Variants in ASIC2 observed in about 807,000 individuals in gnomAD.
ASIC2 encodes acid sensing ion channel subunit 2, also known as acid-sensing ion channel 2.
In ASIC2, 25 loss-of-function variants were observed where a neutral mutation model predicts 57.3. That is an observed-to-expected ratio of 0.44 (90% CI 0.32 to 0.61). The LOEUF (loss-of-function observed/expected upper bound fraction) is 0.61. Ranked by LOEUF, ASIC2 falls within the 20% of genes least tolerant of loss-of-function variation. ASIC2 has a pLI of 0.06. For synonymous variants in ASIC2, 319 were observed against 307.5 expected (o/e 1.04, Z -0.39); for missense variants, 641 against 738.1 (o/e 0.87, Z 1.52).
intron 1 of ASIC2, among the ~76,000 whole-genome samples, chr17:33,246,954 C>T (rs1908712833): frequency 6.6e-6 from 1 of 151,968 alleles, no homozygotes; most frequent in Non-Finnish European, 1.5e-5. Context: ...TTTTAAGAGC[C>T]AACAACAAGA....
chr17:33,756,061 G>A (rs533046407), intron 1 of ASIC2, among the ~76,000 whole-genome samples: 1 of 152,366 alleles, frequency 6.6e-6, no homozygotes, highest in Non-Finnish European at 1.5e-5. Context: ...CGTTTTCCCT[G>A]TAATTGAACA....
chr17:33,062,559 G>T (rs2092025341), intron 3 of ASIC2, among the ~76,000 whole-genome samples: 1 of 152,176 alleles, frequency 6.6e-6, no homozygotes, highest in Admixed American at 6.5e-5. Flanking sequence ...TTTTACACTT[G>T]CTGAGGAGTG....
At chr17:33,825,281 G>A (rs1320689316) in intron 1 of ASIC2, among the ~76,000 whole-genome samples, 1 of 152,180 alleles carries the variant, frequency 6.6e-6, no homozygotes, top group Non-Finnish European at 1.5e-5. Context: ...ACTGAGGCAG[G>A]AGGATGGGGT....
intron 1 of ASIC2, among the ~76,000 whole-genome samples, chr17:34,055,234 G>A (rs1908723832): frequency 6.6e-6 from 1 of 152,168 alleles, no homozygotes; most frequent in African/African-American, 2.4e-5. Flanking sequence ...CGATTTATAT[G>A]TTAAAATAAC....
intron 1 of ASIC2, among the ~76,000 whole-genome samples, chr17:33,898,546 T>C (rs1021330604): frequency 6.6e-6 from 1 of 152,170 alleles, no homozygotes; most frequent in African/African-American, 2.4e-5. Context: ...TCATGTATAC[T>C]CTTACCTAGC....
chr17:33,646,758 A>T (rs950012667), intron 1 of ASIC2, among the ~76,000 whole-genome samples: 2 of 152,184 alleles, frequency 1.3e-5, no homozygotes, highest in African/African-American at 4.8e-5. Flanking sequence ...GGTGCAGAGT[A>T]GCTACAGAGG....
chr17:33,146,328 C>T (rs113844032), intron 1 of ASIC2, among the ~76,000 whole-genome samples: 1 of 152,150 alleles, frequency 6.6e-6, no homozygotes, highest in Non-Finnish European at 1.5e-5. Flanking sequence ...CAGCAACTTA[C>T]CTGTCCATGT....
At chr17:34,038,354 A>T in intron 1 of ASIC2, 2 of 1,610,904 alleles carry the variant, frequency 1.2e-6, no homozygotes, top group Non-Finnish European at 1.7e-6. Flanking sequence ...GTAATCATAC[A>T]GCTTAACTAT....
In ASIC2 at chr17:33,585,831, C is replaced by A. The variant is rs150584139; in HGVS notation, c.556-473764G>T. The stretch of plus-strand genomic sequence containing the variant: ...TAGTCTTGATATATTTAATTTATAT[C>A]TTTTACTTTATTACATATATGTCTT... On this transcript the variant is annotated intron_variant, in intron 1 of 9. Coordinates refer to the ASIC2 transcript ENST00000359872. Among the ~76,000 whole-genome samples the A allele has an allele frequency of 6.1e-3, 928 of 152,218 alleles. 7 individuals are homozygous for A. Among genetic ancestry groups the A allele is most frequent in the Non-Finnish European group, 0.011 (717 of 68,022 alleles).
chr17:34,085,022 C>A (rs1910051869), intron 1 of ASIC2, among the ~76,000 whole-genome samples: 1 of 152,168 alleles, frequency 6.6e-6, no homozygotes, highest in Non-Finnish European at 1.5e-5. Context: ...TAATTGAATA[C>A]CCTTTATTTC....
chr17:33,427,535 C>T lies in ASIC2; in HGVS notation c.556-315468G>A, dbSNP rs1911259463. On this transcript the variant is annotated intron_variant, in intron 1 of 9. Transcript: ENST00000359872. ...TATGGGTACACGTTTGAGAGGGACC[C>T]AAAATCTCCCCATCCTCCAACTCTC... is the stretch of plus-strand genomic sequence containing the variant. Among the ~76,000 whole-genome samples the T allele has an allele frequency of 5.3e-5, 8 of 152,266 alleles. No homozygotes were observed. In the South Asian group the frequency reaches 1.7e-3, roughly 32 times the overall value.
chr17:33,214,358 T>A (rs1907394602), intron 1 of ASIC2, among the ~76,000 whole-genome samples: 1 of 152,114 alleles, frequency 6.6e-6, no homozygotes, highest in South Asian at 2.1e-4. Context: ...AAGGCTGACT[T>A]CTCAGTGGCT....
In ASIC2 at chr17:33,560,081, C is replaced by A. The variant is rs956603615; in HGVS notation, c.556-448014G>T. ...CAAAGGCCTTAAACCATTTGCTCAG[C>A]ATGAAGCTCTTAAGATGAATACAGC... On this transcript the variant is annotated intron_variant, in intron 1 of 9. Transcript: ENST00000359872. 2.6e-5 allele frequency among the ~76,000 whole-genome samples: 4 copies of A among 152,242 alleles called. No individual in the cohort carries two copies. The South Asian group carries it at 8.3e-4, about 32-fold the overall frequency.
chr17:33,703,931 A>T (rs1908784729), intron 1 of ASIC2, among the ~76,000 whole-genome samples: 1 of 152,066 alleles, frequency 6.6e-6, no homozygotes, highest in South Asian at 2.1e-4. Context: ...TGGCTTTCAC[A>T]ATCCTATGCA....
chr17:33,818,782 G>A (rs764869133), intron 1 of ASIC2, among the ~76,000 whole-genome samples: 5 of 152,216 alleles, frequency 3.3e-5, no homozygotes, highest in Non-Finnish European at 5.9e-5. Flanking sequence ...GTTGATTCCT[G>A]CTTTTCCTTC....
At chr17:33,729,302 G>T (rs1428025172) in intron 1 of ASIC2, among the ~76,000 whole-genome samples, 1 of 152,072 alleles carries the variant, frequency 6.6e-6, no homozygotes, top group East Asian at 1.9e-4. Flanking sequence ...CAGATCTTGT[G>T]GAAACTCAGA....
chr17:33,421,776 C>T (rs1911054154), intron 1 of ASIC2, among the ~76,000 whole-genome samples: 1 of 152,206 alleles, frequency 6.6e-6, no homozygotes. Flanking sequence ...TGCTGTTCTT[C>T]AGTGGAAAGC....
At chr17:33,640,576 C>G (rs1906530135) in intron 1 of ASIC2, among the ~76,000 whole-genome samples, 1 of 152,238 alleles carries the variant, frequency 6.6e-6, no homozygotes, top group South Asian at 2.1e-4. Flanking sequence ...CACAGAGACT[C>G]TCTCAGCAGC....
intron 1 of ASIC2, among the ~76,000 whole-genome samples, chr17:33,354,339 A>G (rs1422019266): frequency 6.6e-6 from 1 of 152,090 alleles, no homozygotes; most frequent in Non-Finnish European, 1.5e-5. Context: ...AGCCCCCTGG[A>G]GGAGATCCCT....
Sources: gnomAD v4.1 joint callset for allele counts (sites outside exome capture counted in the v4.1 genomes callset) on GRCh38, gnomAD v4.1.1 for gene constraint, MANE v1.5 for transcripts, NCBI Gene and HGNC (gene_info 2026-07-23, HGNC 2026-07-21) for gene names.